Variants in PLCB4 observed in about 807,000 individuals in gnomAD.
PLCB4 encodes the protein phospholipase C beta 4, also known as 1-phosphatidylinositol 4,5-bisphosphate phosphodiesterase beta-4.
PLCB4 carries 77 observed loss-of-function variants against 178.8 expected under a neutral mutation model. The observed-to-expected ratio is 0.43, with a 90% CI of 0.36 to 0.52. The LOEUF is 0.52. Among genes scored for constraint, PLCB4 ranks in the 20% least tolerant of loss-of-function variants. The pLI, the probability that PLCB4 is intolerant of heterozygous loss-of-function variation, is 0.00. For missense variants in PLCB4, 1,024 were observed against 1,453.4 expected (o/e 0.70, Z 4.80); for synonymous variants, 496 against 490.8 (o/e 1.01, Z -0.14).
chr20:9,477,431 C>T (rs529850768), intron 39 of PLCB4, among the ~76,000 whole-genome samples: 1 of 152,146 alleles, frequency 6.6e-6, no homozygotes, highest in Non-Finnish European at 1.5e-5. Flanking sequence ...CTTGTAATGT[C>T]CTATGATTCT....
chr20:9,336,120 G>A (rs529305361), intron 4 of PLCB4, among the ~76,000 whole-genome samples: 1 of 151,718 alleles, frequency 6.6e-6, no homozygotes, highest in African/African-American at 2.4e-5. Context: ...TTGCCAGACA[G>A]GTTCCTAATT....
chr20:9,342,268 C>A (rs911783425), intron 7 of PLCB4, among the ~76,000 whole-genome samples: 1 of 152,136 alleles, frequency 6.6e-6, no homozygotes, highest in Non-Finnish European at 1.5e-5. Context: ...GATATAATTA[C>A]CTCAGTTCGA....
chr20:9,434,850 G>A (rs546043281), intron 28 of PLCB4, among the ~76,000 whole-genome samples: 14 of 152,258 alleles, frequency 9.2e-5, no homozygotes, highest in African/African-American at 2.9e-4. Flanking sequence ...TATTTAAAAT[G>A]TATAAATTAT....
chr20:9,306,211 T>C (rs2094763808), intron 3 of PLCB4, among the ~76,000 whole-genome samples: 1 of 152,130 alleles, frequency 6.6e-6, no homozygotes, highest in Non-Finnish European at 1.5e-5. Flanking sequence ...TTCAAGCAAT[T>C]CTCCCTGCCT....
intron 3 of PLCB4, among the ~76,000 whole-genome samples, chr20:9,247,318 C>T (rs1463190769): frequency 6.6e-6 from 1 of 152,166 alleles, no homozygotes; most frequent in Non-Finnish European, 1.5e-5. Flanking sequence ...GCTCTAGCCT[C>T]TGTTTTCCCC....
At chr20:9,301,662 G>T (rs966156268) in intron 3 of PLCB4, among the ~76,000 whole-genome samples, 1 of 152,032 alleles carries the variant, frequency 6.6e-6, no homozygotes, top group African/African-American at 2.4e-5. Context: ...TGAATATTTG[G>T]CCCCTCGACA....
chr20:9,189,556 T>TC (rs1210672734), intron 2 of PLCB4, among the ~76,000 whole-genome samples: 21 of 152,212 alleles, frequency 1.4e-4, no homozygotes, highest in African/African-American at 4.3e-4. Context: ...CTTAGCAGCA[T>TC]CCCCGGACTC....
intron 21 of PLCB4, among the ~76,000 whole-genome samples, chr20:9,407,264 G>A (rs1373892658): frequency 1.3e-5 from 2 of 152,100 alleles, no homozygotes; most frequent in Non-Finnish European, 2.9e-5. Context: ...TGATTCTGAT[G>A]CACGCTAATG....
At chr20:9,236,385 T>A (rs1446577961) in intron 3 of PLCB4, among the ~76,000 whole-genome samples, 2 of 152,218 alleles carry the variant, frequency 1.3e-5, no homozygotes, top group African/African-American at 4.8e-5. Context: ...CTGGTAATTA[T>A]GTAATGATAT....
At chr20:9,391,501 G>A (rs1602323250) in intron 17 of PLCB4, among the ~76,000 whole-genome samples, 1 of 152,168 alleles carries the variant, frequency 6.6e-6, no homozygotes. Context: ...AAGGTGCTTT[G>A]TGCTACATGT....
At chr20:9,333,487 T>G (rs1378694610) in intron 4 of PLCB4, among the ~76,000 whole-genome samples, 1 of 152,076 alleles carries the variant, frequency 6.6e-6, no homozygotes, top group Non-Finnish European at 1.5e-5. Flanking sequence ...TTTATGGTTG[T>G]GAACAAGAAA....
intron 35 of PLCB4, among the ~76,000 whole-genome samples, chr20:9,462,231 G>A (rs1194195776): frequency 2.0e-5 from 3 of 152,050 alleles, no homozygotes; most frequent in African/African-American, 7.2e-5. Context: ...TCAACAAAAA[G>A]TTCATCTACA....
intron 2 of PLCB4, among the ~76,000 whole-genome samples, chr20:9,195,893 TG>T (rs2093465964): frequency 6.6e-6 from 1 of 152,076 alleles, no homozygotes; most frequent in Non-Finnish European, 1.5e-5. Flanking sequence ...TGCCTAACTG[TG>T]GGGGCAAAAC....
At chr20:9,273,122 A>G (rs895884211) in intron 3 of PLCB4, among the ~76,000 whole-genome samples, 5 of 152,144 alleles carry the variant, frequency 3.3e-5, no homozygotes, top group African/African-American at 7.2e-5. Flanking sequence ...ACGTAGGTCA[A>G]GTAGCATGCA....
At chr20:9,279,054 TGTTGG>T (rs2094473058) in intron 3 of PLCB4, among the ~76,000 whole-genome samples, 1 of 152,068 alleles carries the variant, frequency 6.6e-6, no homozygotes, top group Non-Finnish European at 1.5e-5. Flanking sequence ...ATACGTTGTA[TGTTGG>T]ATGGCCTCAA....
chr20:9,372,771 T>A (rs925473063), intron 11 of PLCB4, among the ~76,000 whole-genome samples: 1 of 151,800 alleles, frequency 6.6e-6, no homozygotes, highest in African/African-American at 2.4e-5. Flanking sequence ...ACTTACATGT[T>A]GTTTTTGAAA....
At chr20:9,326,649 C>T (rs188162537) in intron 4 of PLCB4, among the ~76,000 whole-genome samples, 1 of 152,244 alleles carries the variant, frequency 6.6e-6, no homozygotes, top group Admixed American at 6.5e-5. Flanking sequence ...GTTCACTATA[C>T]CCCAACATGC....
At chr20:9,290,318 C>T (rs1044659271) in intron 3 of PLCB4, among the ~76,000 whole-genome samples, 1 of 152,084 alleles carries the variant, frequency 6.6e-6, no homozygotes, top group Non-Finnish European at 1.5e-5. Flanking sequence ...TCCATTTTCT[C>T]TCTCTTTTTC....
intron 2 of PLCB4, among the ~76,000 whole-genome samples, chr20:9,115,574 C>T (rs1338676633): frequency 2.7e-5 from 3 of 112,940 alleles, no homozygotes; most frequent in Non-Finnish European, 3.5e-5. Flanking sequence ...GCTATCCCTC[C>T]CCCCTCCCCC....
Sources: allele counts gnomAD v4.1 joint callset (sites outside exome capture counted in the v4.1 genomes callset), GRCh38; gene constraint gnomAD v4.1.1; transcripts MANE v1.5; gene names NCBI Gene and HGNC (gene_info 2026-07-23, HGNC 2026-07-21).